Variants in IRAG2 observed in about 807,000 individuals in gnomAD.
The protein encoded by IRAG2 is inositol 1,4,5-triphosphate receptor associated 2.
In IRAG2, 45 loss-of-function variants were observed where a neutral mutation model predicts 69.9. The observed-to-expected ratio is 0.64, with a 90% CI of 0.51 to 0.83. IRAG2 has a LOEUF of 0.83. IRAG2 is among the 40% of genes least tolerant of loss of function. The pLI is 0.00. For synonymous variants in IRAG2, 193 were observed against 202.4 expected, an observed-to-expected ratio of 0.95 and a Z score of 0.40; for missense variants, 520 against 587.0, an observed-to-expected ratio of 0.89 and a Z score of 1.18.
chr12:25,053,112 G>C (rs1411596027), intron 1 of IRAG2, among the ~76,000 whole-genome samples, 156 bp downstream of exon 1: 1 of 152,048 alleles, frequency 6.6e-6, no homozygotes, highest in Admixed American at 6.6e-5. Flanking sequence ...CTTTCAGAGA[G>C]GTTTGCTGAG....
In IRAG2 at chr12:25,017,348, TA is replaced by T. The variant is rs901830228; in HGVS notation, c.1214+62del. The T allele has an allele frequency of 4.1e-6, 5 of 1,208,120 alleles. No individual in the cohort carries two copies. The South Asian group carries it at 1.7e-4, about 41-fold the overall frequency. 74.8% of individuals were successfully genotyped at this position (1,208,120 alleles called of 1,614,324 possible). A position where few individuals can be genotyped will look rare whatever the true frequency, so the allele number is the denominator to read the frequency against. On this transcript the variant is annotated intron_variant, in intron 6 of 38. Transcript: ENST00000636465. ...AACTTTCATTTCTTTTTTCTTTTTTTAAAAAACCTTTTAAATATTGAGAGTC... is the reference window on the plus strand; with the variant it reads ...AACTTTCATTTCTTTTTTCTTTTTTTAAAAACCTTTTAAATATTGAGAGTC...
chr12:25,073,873 G>A (rs1024177141), intron 6 of IRAG2, among the ~76,000 whole-genome samples: 2 of 152,228 alleles, frequency 1.3e-5, no homozygotes, highest in Non-Finnish European at 2.9e-5. Context: ...GTGAGAGTTT[G>A]AAACAAGATT....
chr12:25,065,936 C>G (rs1349322876), intron 4 of IRAG2, among the ~76,000 whole-genome samples: 1 of 152,108 alleles, frequency 6.6e-6, no homozygotes, highest in Non-Finnish European at 1.5e-5. Flanking sequence ...TCCTAAAGTG[C>G]TGGGATTACA....
In IRAG2 at chr12:25,015,150, G is replaced by GTTTT. The variant is rs1436751678; in HGVS notation, c.897-31_897-28dup. The GTTTT allele has an allele frequency of 3.8e-3, 3,568 of 930,632 alleles. 78 individuals are homozygous for GTTTT. The African/African-American group carries it at 0.064, about 17-fold the overall frequency. 57.6% of individuals were successfully genotyped at this position (930,632 alleles called of 1,614,324 possible). Reference sequence around the variant, plus strand: ...TCAGGCAAAGAATCCTAGCTCACTGGTTTTGTTTTTTTTTTTTTTTTTTGG... The same window carrying GTTTT: ...TCAGGCAAAGAATCCTAGCTCACTGGTTTTTTTTGTTTTTTTTTTTTTTTTTTGG... On this transcript the variant is annotated intron_variant, in intron 3 of 38. Coordinates refer to the IRAG2 transcript ENST00000636465.
At chr12:25,055,900 A>T (rs1945224706) in intron 1 of IRAG2, among the ~76,000 whole-genome samples, 1 of 152,182 alleles carries the variant, frequency 6.6e-6, no homozygotes, top group Non-Finnish European at 1.5e-5. Flanking sequence ...TCACCCCCTT[A>T]CTATTCACCA....
intron 5 of IRAG2, 127 bp downstream of exon 5, chr12:25,066,639 C>T (rs1043951002): frequency 2.5e-6 from 1 of 395,330 alleles, no homozygotes; most frequent in Non-Finnish European, 4.5e-6. Flanking sequence ...TCTCTAACTT[C>T]CTGAAAATTT....
intron 3 of IRAG2, 80 bp downstream of exon 3, chr12:25,062,980 A>G: frequency 2.5e-6 from 1 of 398,366 alleles, no homozygotes; most frequent in South Asian, 1.3e-4. Flanking sequence ...TAAATCCAGT[A>G]TGTATCAGTA....
At chr12:25,089,173 G>A (rs1282058410) in intron 11 of IRAG2, among the ~76,000 whole-genome samples, 1 of 152,132 alleles carries the variant, frequency 6.6e-6, no homozygotes, top group Non-Finnish European at 1.5e-5. Context: ...TTGATGCCAT[G>A]TTTATTGTCA....
the IRAG2 span, among the ~76,000 whole-genome samples, chr12:24,998,345 T>A: frequency 6.6e-6 from 1 of 152,242 alleles, no homozygotes; most frequent in Non-Finnish European, 1.5e-5. Context: ...ACAGACTTGC[T>A]GAGCATTTAC....
chr12:25,088,957 A>G (rs749630329), intron 11 of IRAG2, among the ~76,000 whole-genome samples: 5 of 152,220 alleles, frequency 3.3e-5, no homozygotes, highest in Non-Finnish European at 7.3e-5. Flanking sequence ...TATCTTATCA[A>G]TCTTATCTTA....
intron 6 of IRAG2, among the ~76,000 whole-genome samples, chr12:25,078,439 C>T (rs1027544165): frequency 4.6e-5 from 7 of 152,074 alleles, no homozygotes; most frequent in Non-Finnish European, 1.0e-4. Context: ...TAACTAAATG[C>T]CTTCTTTTTA....
intron 6 of IRAG2, among the ~76,000 whole-genome samples, chr12:25,019,487 G>C (rs1944560538): frequency 6.6e-6 from 1 of 152,172 alleles, no homozygotes; most frequent in Non-Finnish European, 1.5e-5. Context: ...ACTCCTCTCT[G>C]ACAGTCCCTG....
At chr12:25,028,680 T>C in intron 9 of IRAG2, among the ~76,000 whole-genome samples, 1 of 152,138 alleles carries the variant, frequency 6.6e-6, no homozygotes. Flanking sequence ...ATTCATGAAT[T>C]TGTGTCATGC....
At chr12:25,020,346 C>A (rs952586803) in intron 6 of IRAG2, among the ~76,000 whole-genome samples, 1 of 152,160 alleles carries the variant, frequency 6.6e-6, no homozygotes, top group African/African-American at 2.4e-5. Flanking sequence ...TGTCATCTCC[C>A]TCCATAGTAT....
At chr12:25,006,997 A>G (rs1260798364) in intron 2 of IRAG2, among the ~76,000 whole-genome samples, 1 of 152,216 alleles carries the variant, frequency 6.6e-6, no homozygotes, top group African/African-American at 2.4e-5. Context: ...CTGAGTAACC[A>G]TTGTTAGTGA....
intron 6 of IRAG2, among the ~76,000 whole-genome samples, chr12:25,072,245 G>A (rs12229039): frequency 0.11 from 16,095 of 152,064 alleles, 1,158 homozygotes; most frequent in Admixed American, 0.17. Context: ...AAAGAAATAG[G>A]TGCTAACAGA....
intron 2 of IRAG2, among the ~76,000 whole-genome samples, chr12:25,007,861 G>A (rs1425811121): frequency 6.6e-6 from 1 of 152,150 alleles, no homozygotes; most frequent in African/African-American, 2.4e-5. Context: ...CTGAAATTTG[G>A]TGATTGTGTA....
chr12:25,090,491 G>A (rs1438939201), intron 14 of IRAG2, among the ~76,000 whole-genome samples: 2 of 152,126 alleles, frequency 1.3e-5, no homozygotes, highest in Non-Finnish European at 2.9e-5. Flanking sequence ...ATTGCAGGGA[G>A]CTATAATCAC....
chr12:24,998,686 TTAAA>T, the IRAG2 span, among the ~76,000 whole-genome samples: 1 of 151,572 alleles, frequency 6.6e-6, no homozygotes. Context: ...ACACACATAC[TTAAA>T]TTTTTTTTTT....
Sources: gnomAD v4.1 joint callset for allele counts (sites outside exome capture counted in the v4.1 genomes callset) on GRCh38, gnomAD v4.1.1 for gene constraint, MANE v1.5 for transcripts, NCBI Gene and HGNC (gene_info 2026-07-23, HGNC 2026-07-21) for gene names.